SYNPO2: variants seen among roughly 807,000 people sequenced by gnomAD.
The protein encoded by SYNPO2 is synaptopodin-2.
In SYNPO2, 56 loss-of-function variants were observed where a neutral mutation model predicts 85.0. That is an observed-to-expected ratio of 0.66 (90% CI 0.53 to 0.82). The LOEUF (loss-of-function observed/expected upper bound fraction) is 0.82, where lower values mean the gene tolerates loss of function less well. SYNPO2 is among the 40% of genes least tolerant of loss of function. The pLI is 0.00. For missense variants in SYNPO2, 1,575 were observed against 1,534.2 expected (o/e 1.03, Z -0.44); for synonymous variants, 602 against 591.1 (o/e 1.02, Z -0.27).
intron 1 of SYNPO2, among the ~76,000 whole-genome samples, chr4:118,880,670 C>A (rs1732068462): frequency 6.6e-6 from 1 of 151,526 alleles, no homozygotes; most frequent in Non-Finnish European, 1.5e-5. Flanking sequence ...TTGCTTGAAC[C>A]CCGGAGGTGG....
chr4:118,889,059 G>A lies in SYNPO2; in HGVS notation c.23G>A (p.Cys8Tyr). MGTGDFI[C>Y]ISMTGGAPWG... ...AACATGGGCACAGGGGATTTTATCTGCATTTCCATGACTGGAGGGGCGCCC... is the reference window on the plus strand; with the variant it reads ...AACATGGGCACAGGGGATTTTATCTACATTTCCATGACTGGAGGGGCGCCC... Residue 8 changes from cysteine (C) to tyrosine (Y), a missense_variant, in exon 1 of 5, where the codon TGC (cysteine) becomes TAC (tyrosine). Physicochemically the swap from Cys to Tyr is radical, Grantham distance 194. Around this residue, in one of 3 missense-constraint regions of SYNPO2, gnomAD observed 55 missense variants for 55.5 expected, o/e 0.99. Coordinates refer to ENST00000307142, the MANE Select transcript of SYNPO2 (RefSeq NM_133477.3). The A allele has an allele frequency of 6.2e-7, 1 of 1,614,182 alleles. No individual in the cohort carries two copies. Among genetic ancestry groups the A allele is most frequent in the Non-Finnish European group, 8.5e-7 (1 of 1,180,022 alleles).
chr4:118,873,908 A>T (rs1314101010), intron 1 of SYNPO2, among the ~76,000 whole-genome samples: 1 of 152,122 alleles, frequency 6.6e-6, no homozygotes, highest in Non-Finnish European at 1.5e-5. Flanking sequence ...ATGGCAATCC[A>T]ATTTTCCCAC....
chr4:118,995,960 A>G (rs1006218090), intron 1 of SYNPO2, among the ~76,000 whole-genome samples: 1 of 151,798 alleles, frequency 6.6e-6, no homozygotes, highest in Non-Finnish European at 1.5e-5. Flanking sequence ...CTTTGCCCAC[A>G]TTGATGCTAA....
At chr4:119,018,711 A>G (rs1348424299) in intron 1 of SYNPO2, among the ~76,000 whole-genome samples, 7 of 152,140 alleles carry the variant, frequency 4.6e-5, no homozygotes, top group Admixed American at 4.6e-4. Context: ...GATGGGTACA[A>G]AAATACAATT....
At chr4:118,899,465 ACC>A (rs772444018) in intron 1 of SYNPO2, among the ~76,000 whole-genome samples, 33 of 152,246 alleles carry the variant, frequency 2.2e-4, no homozygotes, top group Middle Eastern at 3.4e-3. Context: ...TCTTGATGTG[ACC>A]CCATGGGGTA....
chr4:118,867,648 C>T (rs1389884411), intron 1 of SYNPO2, among the ~76,000 whole-genome samples: 1 of 152,004 alleles, frequency 6.6e-6, no homozygotes, highest in Non-Finnish European at 1.5e-5. Flanking sequence ...CTCATCTTTC[C>T]TCATGTATTT....
At chr4:118,881,847 C>G (rs1468009520) in intron 1 of SYNPO2, among the ~76,000 whole-genome samples, 2 of 152,206 alleles carry the variant, frequency 1.3e-5, no homozygotes, top group African/African-American at 4.8e-5. Flanking sequence ...CATGGAGGTG[C>G]GCATGTTTCA....
chr4:119,020,804 G>A (rs1392726924), intron 1 of SYNPO2, among the ~76,000 whole-genome samples: 1 of 152,126 alleles, frequency 6.6e-6, no homozygotes, highest in East Asian at 1.9e-4. Flanking sequence ...GATGTTTACT[G>A]TTGGATATTG....
chr4:118,945,659 T>C lies in SYNPO2; in HGVS notation c.105+56518T>C, dbSNP rs28595519. Among the ~76,000 whole-genome samples, 876 of 152,324 alleles carry C rather than the reference T, an allele frequency of 5.8e-3. 10 individuals carry two copies. Among genetic ancestry groups the C allele is most frequent in the African/African-American group, 0.018 (769 of 41,576 alleles). On this transcript the variant is annotated intron_variant, in intron 1 of 4. Transcript: ENST00000307142. ...CCTCAAAACTAGGGTACTATATACA[T>C]GTAGTCAAAATAGCCAACAATTTGT...
intron 1 of SYNPO2, among the ~76,000 whole-genome samples, chr4:118,923,140 A>C (rs1015961428): frequency 1.3e-5 from 2 of 152,144 alleles, no homozygotes; most frequent in African/African-American, 4.8e-5. Flanking sequence ...CATGGAATCA[A>C]CCTAAATGCC....
intron 1 of SYNPO2, among the ~76,000 whole-genome samples, chr4:118,960,478 A>G (rs1165080996): frequency 6.6e-6 from 1 of 152,178 alleles, no homozygotes; most frequent in East Asian, 1.9e-4. Context: ...GTAAAATTGT[A>G]AAATTAGTTT....
chr4:118,892,774 A>G (rs1732420327), intron 1 of SYNPO2, among the ~76,000 whole-genome samples: 1 of 152,132 alleles, frequency 6.6e-6, no homozygotes, highest in Non-Finnish European at 1.5e-5. Flanking sequence ...TGTTCTACTG[A>G]ATTTAGTTCA....
chr4:119,031,997 C>T lies in SYNPO2; in HGVS notation c.3222C>T (p.Phe1074=). The T allele has an allele frequency of 1.2e-6, 2 of 1,614,222 alleles. No individual in the cohort carries two copies. Among genetic ancestry groups the T allele is most frequent in the African/African-American group, 1.3e-5 (1 of 75,054 alleles). The part of the protein sequence containing the change: ...SSYFVAPRPK[F]SAKKSGVTIQ... ...ATTTTGTGGCACCAAGGCCAAAGTTCTCAGCCAAGAAAAGTGGTGTCACAA... is the reference window on the plus strand; with the variant it reads ...ATTTTGTGGCACCAAGGCCAAAGTTTTCAGCCAAGAAAAGTGGTGTCACAA... The change falls in exon 4 of 5, where the codon TTC becomes TTT. Residue 1074 remains phenylalanine (F), a synonymous_variant. Coordinates refer to ENST00000307142, the MANE Select transcript of SYNPO2 (RefSeq NM_133477.3).
At chr4:118,988,533 GT>G (rs1371766753) in intron 1 of SYNPO2, among the ~76,000 whole-genome samples, 2 of 152,172 alleles carry the variant, frequency 1.3e-5, no homozygotes, top group South Asian at 4.1e-4. Context: ...TCCAACTGAA[GT>G]TTTGGAAAGT....
At chr4:118,908,543 G>A (rs1443287806) in intron 1 of SYNPO2, among the ~76,000 whole-genome samples, 1 of 152,132 alleles carries the variant, frequency 6.6e-6, no homozygotes, top group Non-Finnish European at 1.5e-5. Flanking sequence ...TATGATCAAT[G>A]TTCTAAAAGC....
At chr4:119,035,947 G>A (rs745309202) in intron 4 of SYNPO2, 44 of 985,144 alleles carry the variant, frequency 4.5e-5, no homozygotes, top group Admixed American at 6.2e-5. Context: ...GAGGCATGTC[G>A]AACACTCTGT....
At chr4:118,879,673 G>A (rs1286747911) in intron 1 of SYNPO2, among the ~76,000 whole-genome samples, 1 of 152,176 alleles carries the variant, frequency 6.6e-6, no homozygotes, top group Non-Finnish European at 1.5e-5. Flanking sequence ...GCAGTCCAAA[G>A]AGACTAAAAC....
intron 4 of SYNPO2, chr4:119,034,201 T>C: frequency 1.0e-6 from 1 of 985,468 alleles, no homozygotes; most frequent in Non-Finnish European, 1.2e-6. Flanking sequence ...CTTCTTATGG[T>C]GCAGCAGGAA....
intron 4 of SYNPO2, among the ~76,000 whole-genome samples, chr4:119,051,665 A>C (rs1019437720): frequency 2.6e-5 from 4 of 152,206 alleles, no homozygotes; most frequent in Non-Finnish European, 5.9e-5. Context: ...ATTGATTTGT[A>C]GAAAAATATT....
Sources: allele counts gnomAD v4.1 joint callset (sites outside exome capture counted in the v4.1 genomes callset), GRCh38; gene constraint gnomAD v4.1.1; regional missense constraint gnomAD v4.1.1; transcripts MANE v1.5; gene names NCBI Gene and HGNC (gene_info 2026-07-23, HGNC 2026-07-21).